CIMIP6: variants seen among roughly 807,000 people sequenced by gnomAD.
CIMIP6 encodes the protein ciliary microtubule inner protein 6.
At chr2:54,382,635 A>G in the CIMIP6 span, among the ~76,000 whole-genome samples, 5 of 152,042 alleles carry the variant, frequency 3.3e-5, no homozygotes, top group Non-Finnish European at 7.4e-5. Flanking sequence ...CTTTGCATCT[A>G]CTAACTAGAC....
chr2:54,351,789 T>G, the CIMIP6 span, among the ~76,000 whole-genome samples: 2 of 152,164 alleles, frequency 1.3e-5, no homozygotes, highest in African/African-American at 2.4e-5. Context: ...AAATAATAGT[T>G]ACTATATTCT....
At chr2:54,374,994 A>G in the CIMIP6 span, among the ~76,000 whole-genome samples, 1 of 152,212 alleles carries the variant, frequency 6.6e-6, no homozygotes, top group South Asian at 2.1e-4. Context: ...TGCAGTATTA[A>G]TAAATGCTGG....
At chr2:54,337,437 A>G in the CIMIP6 span, among the ~76,000 whole-genome samples, 11 of 152,222 alleles carry the variant, frequency 7.2e-5, 1 homozygote, top group Admixed American at 5.9e-4. Context: ...CCAGACCTAC[A>G]CTGGGGAAAT....
At chr2:54,373,899 C>G in the CIMIP6 span, among the ~76,000 whole-genome samples, 2 of 152,230 alleles carry the variant, frequency 1.3e-5, no homozygotes, top group African/African-American at 4.8e-5. Flanking sequence ...AATTTCTGCT[C>G]ACATATTTAT....
At chr2:54,369,706 A>G in the CIMIP6 span, among the ~76,000 whole-genome samples, 1 of 152,116 alleles carries the variant, frequency 6.6e-6, no homozygotes. Context: ...CTGATATATG[A>G]TTTCCCAGGC....
At chr2:54,345,015 A>G in the CIMIP6 span, among the ~76,000 whole-genome samples, 115,709 of 151,994 alleles carry the variant, frequency 0.76, 44,224 homozygotes, top group Non-Finnish European at 0.8. Flanking sequence ...TAATTCCCAC[A>G]TGAACTCTAT....
At chr2:54,365,289 C>A in the CIMIP6 span, among the ~76,000 whole-genome samples, 11 of 151,956 alleles carry the variant, frequency 7.2e-5, no homozygotes, top group Non-Finnish European at 1.6e-4. Flanking sequence ...TGGTTTGAAC[C>A]AGGAAACTTG....
the CIMIP6 span, among the ~76,000 whole-genome samples, chr2:54,337,632 T>G: frequency 1.3e-5 from 2 of 152,164 alleles, no homozygotes; most frequent in East Asian, 1.9e-4. Flanking sequence ...GTTTAAAAAC[T>G]TAATCCCAAC....
At chr2:54,369,551 T>C in the CIMIP6 span, among the ~76,000 whole-genome samples, 1 of 152,220 alleles carries the variant, frequency 6.6e-6, no homozygotes, top group Admixed American at 6.5e-5. Context: ...ACCAGATAGA[T>C]GTACAGTTTC....
the CIMIP6 span, among the ~76,000 whole-genome samples, chr2:54,356,379 A>T: frequency 6.6e-6 from 1 of 152,136 alleles, no homozygotes; most frequent in Non-Finnish European, 1.5e-5. Flanking sequence ...GGCAAGCATG[A>T]TCTTCCCAAG....
At chr2:54,374,055 T>C in the CIMIP6 span, among the ~76,000 whole-genome samples, 2 of 152,240 alleles carry the variant, frequency 1.3e-5, no homozygotes, top group African/African-American at 4.8e-5. Context: ...TTCGTTATTA[T>C]GTACTGCCTA....
chr2:54,346,932 A>C, the CIMIP6 span, among the ~76,000 whole-genome samples: 1 of 152,210 alleles, frequency 6.6e-6, no homozygotes, highest in Non-Finnish European at 1.5e-5. Context: ...TGATCTGTCA[A>C]ATTTACCTAC....
chr2:54,373,245 C>T, the CIMIP6 span, among the ~76,000 whole-genome samples: 1 of 152,100 alleles, frequency 6.6e-6, no homozygotes, highest in Non-Finnish European at 1.5e-5. Context: ...ACGCTCCAAG[C>T]CCAGCGCTGG....
At chr2:54,363,346 G>A in the CIMIP6 span, among the ~76,000 whole-genome samples, 1 of 152,114 alleles carries the variant, frequency 6.6e-6, no homozygotes, top group Admixed American at 6.5e-5. Context: ...TAGCTACTTG[G>A]GCATTACCCT....
At chr2:54,338,005 T>A in the CIMIP6 span, among the ~76,000 whole-genome samples, 2 of 152,084 alleles carry the variant, frequency 1.3e-5, no homozygotes, top group Non-Finnish European at 2.9e-5. Context: ...GGTGTAATGG[T>A]GTACGCCTGT....
the CIMIP6 span, among the ~76,000 whole-genome samples, chr2:54,337,714 A>G: frequency 3.9e-5 from 6 of 152,252 alleles, no homozygotes; most frequent in African/African-American, 1.4e-4. Flanking sequence ...AGCTGCTATC[A>G]TCAAGACTAG....
chr2:54,361,799 T>G, the CIMIP6 span, among the ~76,000 whole-genome samples: 11 of 152,206 alleles, frequency 7.2e-5, no homozygotes, highest in Non-Finnish European at 1.6e-4. Flanking sequence ...GAGAGGTTGT[T>G]AGCATGTTTG....
chr2:54,352,683 T>C, the CIMIP6 span, among the ~76,000 whole-genome samples: 8 of 152,162 alleles, frequency 5.3e-5, no homozygotes, highest in African/African-American at 1.9e-4. Context: ...GATACCAAAA[T>C]CCACAGATGT....
chr2:54,376,692 G>A, the CIMIP6 span, among the ~76,000 whole-genome samples: 1 of 152,220 alleles, frequency 6.6e-6, no homozygotes, highest in Admixed American at 6.5e-5. Flanking sequence ...GTAACATGGA[G>A]TGAGTTAAAG....
Sources: allele counts gnomAD v4.1 joint callset (sites outside exome capture counted in the v4.1 genomes callset), GRCh38; gene constraint gnomAD v4.1.1; transcripts MANE v1.5; gene names NCBI Gene and HGNC (gene_info 2026-07-23, HGNC 2026-07-21).